ZNF385D: variants seen among roughly 807,000 people sequenced by gnomAD.
The protein encoded by ZNF385D is zinc finger protein 659.
In ZNF385D, 15 loss-of-function variants were observed where a neutral mutation model predicts 35.8. That is an observed-to-expected ratio of 0.42 (90% CI 0.28 to 0.64). The LOEUF (loss-of-function observed/expected upper bound fraction) is 0.64. Ranked by LOEUF, ZNF385D falls within the 30% of genes least tolerant of loss-of-function variation. The pLI, the probability that ZNF385D is intolerant of heterozygous loss-of-function variation, is 0.23. For synonymous variants in ZNF385D, 212 were observed against 186.8 expected (o/e 1.13, Z -1.10); for missense variants, 474 against 494.6 (o/e 0.96, Z 0.39).
At chr3:22,026,309 A>C (rs1273870967) in intron 3 of ZNF385D, among the ~76,000 whole-genome samples, 1 of 152,178 alleles carries the variant, frequency 6.6e-6, no homozygotes, top group Non-Finnish European at 1.5e-5. Flanking sequence ...GAACCCCTTG[A>C]GAAAGGACCC....
chr3:21,877,560 G>T (rs1414361121), intron 3 of ZNF385D, among the ~76,000 whole-genome samples: 2 of 152,008 alleles, frequency 1.3e-5, no homozygotes, highest in Non-Finnish European at 2.9e-5. Flanking sequence ...ATTGATTCTG[G>T]AGAGCCTCGG....
intron 3 of ZNF385D, among the ~76,000 whole-genome samples, chr3:21,887,203 T>A (rs1211502311): frequency 6.6e-6 from 1 of 152,176 alleles, no homozygotes; most frequent in African/African-American, 2.4e-5. Flanking sequence ...GACTATTTCA[T>A]GAAGGGAAAT....
Position 22,030,272 on chromosome 3 carries a change from T to TACATAC in ZNF385D, c.325+138544_325+138545insGTATGT, listed in dbSNP as rs1559316419. 8.6e-4 allele frequency among the ~76,000 whole-genome samples: 71 copies of TACATAC among 82,846 alleles called. 3 individuals are homozygous for TACATAC. In the East Asian group the frequency reaches 0.011, roughly 13 times the overall value. 54.4% of individuals were successfully genotyped at this position (82,846 alleles called of 152,430 possible). The stretch of plus-strand genomic sequence containing the variant: ...AAACTCATTCATATATATATATATA[T>TACATAC]ATATATATATATATATATATATATA... On this transcript the variant is annotated intron_variant, in intron 3 of 5. Transcript: ENST00000494108.
chr3:21,878,179 C>T (rs571878979), intron 3 of ZNF385D: 1 of 152,070 alleles, frequency 6.6e-6, no homozygotes, highest in South Asian at 2.1e-4. Flanking sequence ...ATTATTACTA[C>T]GTCTTACACA....
intron 3 of ZNF385D, among the ~76,000 whole-genome samples, chr3:21,553,889 A>G (rs2062645914): frequency 6.6e-6 from 1 of 152,162 alleles, no homozygotes; most frequent in African/African-American, 2.4e-5. Context: ...CATCAATTCA[A>G]TCACAGATTC....
intron 1 of ZNF385D, among the ~76,000 whole-genome samples, chr3:21,671,461 G>C (rs1015462100): frequency 6.6e-6 from 1 of 152,004 alleles, no homozygotes; most frequent in African/African-American, 2.4e-5. Flanking sequence ...TAATTGGCAT[G>C]GATTAGCCTT....
chr3:21,985,856 G>A (rs1430507805), intron 3 of ZNF385D, among the ~76,000 whole-genome samples: 5 of 123,480 alleles, frequency 4.0e-5, no homozygotes, highest in Admixed American at 1.6e-4. Context: ...CCTGTTATTG[G>A]TCTATTCAGA....
chr3:22,145,465 C>T (rs1264722117), intron 3 of ZNF385D, among the ~76,000 whole-genome samples: 1 of 152,230 alleles, frequency 6.6e-6, no homozygotes, highest in Non-Finnish European at 1.5e-5. Context: ...TCTTTACACA[C>T]TAGACAGACT....
intron 3 of ZNF385D, among the ~76,000 whole-genome samples, chr3:21,969,476 T>G (rs542491574): frequency 1.3e-5 from 2 of 152,324 alleles, no homozygotes; most frequent in African/African-American, 4.8e-5. Context: ...TGCTGAGCTG[T>G]GAGTCAATTA....
intron 3 of ZNF385D, among the ~76,000 whole-genome samples, chr3:22,092,399 G>A (rs968071773): frequency 6.6e-6 from 1 of 152,144 alleles, no homozygotes; most frequent in Non-Finnish European, 1.5e-5. Context: ...CCAGCTCCAG[G>A]TATCCAGACA....
intron 3 of ZNF385D, among the ~76,000 whole-genome samples, chr3:22,063,774 T>C (rs1434168928): frequency 2.0e-5 from 3 of 152,188 alleles, no homozygotes; most frequent in Non-Finnish European, 4.4e-5. Flanking sequence ...GCAGCCTGTA[T>C]ACCTTCACTG....
chr3:22,180,712 A>G (rs1695183382), intron 2 of ZNF385D, among the ~76,000 whole-genome samples: 1 of 152,130 alleles, frequency 6.6e-6, no homozygotes, highest in African/African-American at 2.4e-5. Flanking sequence ...AGATGCAGAA[A>G]AGGCCTTTGA....
At chr3:21,631,643 C>T (rs1425056630) in intron 2 of ZNF385D, among the ~76,000 whole-genome samples, 1 of 152,108 alleles carries the variant, frequency 6.6e-6, no homozygotes, top group Non-Finnish European at 1.5e-5. Flanking sequence ...AATCTAACCA[C>T]CTTTTCAAAC....
rs2066355838 is a variant in ZNF385D, at chr3:21,664,874, G to T, written c.165+12C>A. 2.5e-6 allele frequency: 4 copies of T among 1,613,444 alleles called. No homozygotes were observed. Among genetic ancestry groups the T allele is most frequent in the Non-Finnish European group, 3.4e-6 (4 of 1,179,568 alleles). On this transcript the variant is annotated intron_variant, in intron 2 of 7. Coordinates refer to ENST00000281523, the MANE Select transcript of ZNF385D (RefSeq NM_024697.3). ...TTCCACTCAGGCAAAGACAAATTTG[G>T]CAGGTACTTACCGCATTGAAATTGG... is the stretch of plus-strand genomic sequence containing the variant.
At chr3:21,558,989 C>CTTTT (rs55997613) in intron 3 of ZNF385D, among the ~76,000 whole-genome samples, 21 of 128,798 alleles carry the variant, frequency 1.6e-4, no homozygotes, top group East Asian at 4.5e-4. Flanking sequence ...GCAACCCCTG[C>CTTTT]TTTTTTTTTT....
upstream of ZNF385D, among the ~76,000 whole-genome samples, chr3:21,753,761 T>TTGG (rs201049599): frequency 1.8e-4 from 14 of 79,410 alleles, no homozygotes; most frequent in Admixed American, 9.2e-4. Flanking sequence ...AAATGCAACT[T>TTGG]TGGTGGTTGT....
At chr3:21,807,389 C>T (rs573190800) in intron 3 of ZNF385D, among the ~76,000 whole-genome samples, 2 of 152,242 alleles carry the variant, frequency 1.3e-5, no homozygotes, top group African/African-American at 4.8e-5. Flanking sequence ...TAATTTGTCT[C>T]ACCTGTTTAT....
At chr3:21,670,742 T>C (rs1325779011) in intron 1 of ZNF385D, among the ~76,000 whole-genome samples, 2 of 130,330 alleles carry the variant, frequency 1.5e-5, no homozygotes, top group Non-Finnish European at 3.1e-5. Context: ...TTCCCAGCCA[T>C]GAAGGGATGG....
At chr3:21,930,903 A>T (rs1433821806) in intron 3 of ZNF385D, among the ~76,000 whole-genome samples, 2 of 152,292 alleles carry the variant, frequency 1.3e-5, no homozygotes, top group African/African-American at 2.4e-5. Context: ...CTTGGGTTAC[A>T]CAAAGATTTC....
Sources: allele counts gnomAD v4.1 joint callset (sites outside exome capture counted in the v4.1 genomes callset), GRCh38; gene constraint gnomAD v4.1.1; transcripts MANE v1.5; gene names NCBI Gene and HGNC (gene_info 2026-07-23, HGNC 2026-07-21).